The following LAPTM4B variants were observed in gnomAD, a reference collection of about 807,000 sequenced individuals.
The protein encoded by LAPTM4B is lysosomal-associated transmembrane protein 4B.
A neutral mutation model predicts 28.5 loss-of-function variants in LAPTM4B; 26 were observed. That is an observed-to-expected ratio of 0.91 (90% CI 0.67 to 1.27). The LOEUF (loss-of-function observed/expected upper bound fraction) is 1.27, where lower values mean the gene tolerates loss of function less well. Ranked by LOEUF, LAPTM4B falls within the 50% of genes most tolerant of loss-of-function variation. The pLI, the probability that LAPTM4B is intolerant of heterozygous loss-of-function variation, is 0.00. For missense variants in LAPTM4B, 288 were observed against 285.8 expected (o/e 1.01, Z -0.06); for synonymous variants, 109 against 106.4 (o/e 1.02, Z -0.15).
chr8:97,833,365 C>A (rs1475859249), intron 6 of LAPTM4B, among the ~76,000 whole-genome samples: 1 of 152,100 alleles, frequency 6.6e-6, no homozygotes, highest in Non-Finnish European at 1.5e-5. Context: ...ATCAATTAAT[C>A]ACTCAATAAC....
At chr8:97,842,764 G>A (rs891646267) in intron 6 of LAPTM4B, among the ~76,000 whole-genome samples, 4 of 152,032 alleles carry the variant, frequency 2.6e-5, no homozygotes, top group African/African-American at 4.8e-5. Flanking sequence ...TGATCTGCCC[G>A]CCTCAGCCTC....
intron 6 of LAPTM4B, 145 bp from the exon 7 acceptor site, chr8:97,851,252 A>C (rs902156026): frequency 8.7e-6 from 6 of 688,680 alleles, no homozygotes; most frequent in Non-Finnish European, 1.6e-5. Flanking sequence ...AAGTCTTTTA[A>C]TGAAGTGTAT....
At chr8:97,820,328 G>T (rs1816985759) in intron 5 of LAPTM4B, among the ~76,000 whole-genome samples, 1 of 137,672 alleles carries the variant, frequency 7.3e-6, no homozygotes. Context: ...TTTGAGGTAG[G>T]GTCTCTCCCT....
chr8:97,776,638 C>G (rs868368534), intron 1 of LAPTM4B, among the ~76,000 whole-genome samples: 5 of 152,104 alleles, frequency 3.3e-5, no homozygotes, highest in Non-Finnish European at 7.4e-5. Context: ...GTCGCACGTT[C>G]GGATCCCGAG....
intron 6 of LAPTM4B, among the ~76,000 whole-genome samples, chr8:97,830,707 G>A (rs1234789219): frequency 6.6e-6 from 1 of 152,246 alleles, no homozygotes; most frequent in South Asian, 2.1e-4. Context: ...TTCTGTAGAC[G>A]GACCGTGGTT....
At chr8:97,802,340 G>A (rs1169554539) in intron 1 of LAPTM4B, among the ~76,000 whole-genome samples, 3 of 152,148 alleles carry the variant, frequency 2.0e-5, no homozygotes, top group East Asian at 1.9e-4. Flanking sequence ...GGCAATTCCC[G>A]GAAATGAGAG....
At chr8:97,834,373 G>A (rs1282941745) in intron 6 of LAPTM4B, among the ~76,000 whole-genome samples, 4 of 152,002 alleles carry the variant, frequency 2.6e-5, no homozygotes, top group African/African-American at 9.7e-5. Flanking sequence ...TTATAAGTAC[G>A]CCTAAATAAA....
At chr8:97,805,515 G>A in intron 2 of LAPTM4B, 51 bp downstream of exon 2, 1 of 953,084 alleles carries the variant, frequency 1.0e-6, no homozygotes. Flanking sequence ...CTGACTGCCA[G>A]CACTTCCTAT....
intron 6 of LAPTM4B, among the ~76,000 whole-genome samples, chr8:97,840,204 C>T (rs1817324642): frequency 6.6e-6 from 1 of 152,196 alleles, no homozygotes; most frequent in African/African-American, 2.4e-5. Flanking sequence ...ATTTACTTAA[C>T]TATTATACTT....
At chr8:97,823,345 T>G (rs1019064780) in intron 5 of LAPTM4B, among the ~76,000 whole-genome samples, 4 of 19,756 alleles carry the variant, frequency 2.0e-4, no homozygotes, top group African/African-American at 2.3e-4. Context: ...TACAATATGG[T>G]TTTTTTTTTT....
chr8:97,825,132 T>A lies in LAPTM4B; in HGVS notation c.582T>A (p.Tyr194Ter). 1 of 1,604,034 alleles carries A rather than the reference T, an allele frequency of 6.2e-7. No homozygotes were observed. Among genetic ancestry groups the A allele is most frequent in the Non-Finnish European group, 8.5e-7 (1 of 1,170,832 alleles). ...GGAACTCCTCTGATGTCCTGGTTTATGTTACCAGCAATGACACTACGGTAG... is the reference window on the plus strand; with the variant it reads ...GGAACTCCTCTGATGTCCTGGTTTAAGTTACCAGCAATGACACTACGGTAG... ...NGRNSSDVLV[Y>*]VTSNDTTVLL... Residue 194 changes from tyrosine (Y) to a stop codon, truncating the protein, a stop_gained, in exon 6 of 7, where the codon TAT becomes TAA. Transcript: ENST00000521545. LOFTEE classifies it high-confidence loss of function.
chr8:97,822,525 C>CTATTT (rs1430641934), intron 5 of LAPTM4B, among the ~76,000 whole-genome samples: 1 of 135,406 alleles, frequency 7.4e-6, no homozygotes, highest in Non-Finnish European at 1.6e-5. Flanking sequence ...AGTATGACTT[C>CTATTT]TATTTTATTT....
intron 6 of LAPTM4B, among the ~76,000 whole-genome samples, chr8:97,829,660 T>TG (rs1817149246): frequency 6.6e-6 from 1 of 151,250 alleles, no homozygotes; most frequent in Non-Finnish European, 1.5e-5. Context: ...TATGAGATAT[T>TG]GGGGGAGTTT....
At chr8:97,819,894 C>T (rs1586335502) in intron 5 of LAPTM4B, among the ~76,000 whole-genome samples, 1 of 151,982 alleles carries the variant, frequency 6.6e-6, no homozygotes, top group Non-Finnish European at 1.5e-5. Context: ...GCCACCATGC[C>T]CAGCAAATTT....
At chr8:97,785,320 G>A (rs187581243) in intron 1 of LAPTM4B, among the ~76,000 whole-genome samples, 152 of 152,078 alleles carry the variant, frequency 1.0e-3, no homozygotes, top group African/African-American at 3.5e-3. Flanking sequence ...CAGGTGATCC[G>A]CCCGCCTCCC....
intron 1 of LAPTM4B, among the ~76,000 whole-genome samples, chr8:97,797,691 A>ATT (rs11382484): frequency 1.6e-4 from 24 of 151,766 alleles, no homozygotes; most frequent in African/African-American, 4.8e-4. Context: ...GTTCATAAGG[A>ATT]TTTTTTTTAT....
chr8:97,799,097 G>A lies in LAPTM4B; in HGVS notation c.100-6256G>A, dbSNP rs536005110. Among the ~76,000 whole-genome samples, 72 of 152,236 alleles carry A rather than the reference G, an allele frequency of 4.7e-4. No homozygotes were observed. In the South Asian group the frequency reaches 0.014, roughly 29 times the overall value. ...TGCCTCCATGTGGAAAGGTCTTGGGGTTCCAACCTTGGCTCTCCCACACAT... is the reference window on the plus strand; with the variant it reads ...TGCCTCCATGTGGAAAGGTCTTGGGATTCCAACCTTGGCTCTCCCACACAT... On this transcript the variant is annotated intron_variant, in intron 1 of 6. Coordinates refer to ENST00000521545, the MANE Select transcript of LAPTM4B (RefSeq NM_018407.6).
rs892230520 is a variant in LAPTM4B, at chr8:97,851,654, CTG to C, written c.*183_*184del. The C allele has an allele frequency of 9.9e-6, 6 of 608,244 alleles. No homozygotes were observed. In the Admixed American group the frequency reaches 1.4e-4, roughly 14 times the overall value. 37.7% of individuals were successfully genotyped at this position (608,244 alleles called of 1,614,324 possible). A position where few individuals can be genotyped will look rare whatever the true frequency, so the allele number is the denominator to read the frequency against. On this transcript the variant is annotated 3_prime_UTR_variant, in exon 7 of 7. Transcript: ENST00000521545. ...TTTCAACATATGCTTTGCTGGAACA[CTG>C]TGATAGATTAACTGTAGAATTCTTC...
chr8:97,827,322 A>C (rs1405659028), intron 6 of LAPTM4B, among the ~76,000 whole-genome samples: 1 of 152,172 alleles, frequency 6.6e-6, no homozygotes, highest in African/African-American at 2.4e-5. Flanking sequence ...TCGTACCCTG[A>C]GGGAAGGAAT....
Sources: allele counts gnomAD v4.1 joint callset (sites outside exome capture counted in the v4.1 genomes callset), GRCh38; gene constraint gnomAD v4.1.1; transcripts MANE v1.5; gene names NCBI Gene and HGNC (gene_info 2026-07-23, HGNC 2026-07-21).